The following PLCB4 variants were observed in gnomAD, a reference collection of about 807,000 sequenced individuals.
PLCB4 encodes phospholipase C beta 4.
Under a neutral mutation model 178.8 loss-of-function variants are expected in PLCB4, and 77 were observed. The observed-to-expected ratio is 0.43, with a 90% CI of 0.36 to 0.52. PLCB4 has a LOEUF of 0.52. PLCB4 is among the 20% of genes least tolerant of loss of function. The pLI is 0.00. For synonymous variants in PLCB4, 496 were observed against 490.8 expected (o/e 1.01, Z -0.14); for missense variants, 1,024 against 1,453.4 (o/e 0.70, Z 4.80).
chr20:9,373,941 G>A (rs1210264084), intron 12 of PLCB4, among the ~76,000 whole-genome samples: 2 of 152,130 alleles, frequency 1.3e-5, no homozygotes, highest in East Asian at 1.9e-4. Context: ...AAGAGTTTGA[G>A]TGAAGGATGG....
intron 3 of PLCB4, among the ~76,000 whole-genome samples, chr20:9,273,058 G>A (rs988001115): frequency 1.3e-5 from 2 of 152,052 alleles, no homozygotes; most frequent in African/African-American, 4.8e-5. Context: ...GGCATTATTG[G>A]TTTTAATCCT....
At chr20:9,362,366 C>T (rs777841921) in intron 7 of PLCB4, among the ~76,000 whole-genome samples, 2 of 152,124 alleles carry the variant, frequency 1.3e-5, no homozygotes, top group South Asian at 2.1e-4. Flanking sequence ...GTGAGCACAT[C>T]GCTGTTTGCT....
chr20:9,434,665 T>C (rs2041651771), intron 28 of PLCB4, among the ~76,000 whole-genome samples: 1 of 152,100 alleles, frequency 6.6e-6, no homozygotes, highest in Non-Finnish European at 1.5e-5. Context: ...CGTGAGCTAC[T>C]GCGTCCGGCC....
At chr20:9,361,478 G>A (rs966875097) in intron 7 of PLCB4, among the ~76,000 whole-genome samples, 6 of 152,134 alleles carry the variant, frequency 3.9e-5, no homozygotes, top group African/African-American at 1.2e-4. Context: ...ATCAATGGCT[G>A]GGAGGAGGGG....
chr20:9,452,831 A>G (rs899173315), intron 32 of PLCB4, among the ~76,000 whole-genome samples: 1 of 152,320 alleles, frequency 6.6e-6, no homozygotes, highest in South Asian at 2.1e-4. Context: ...AAACACAGTG[A>G]TGCCTCTCAT....
chr20:9,110,604 A>G (rs774240825), intron 2 of PLCB4, among the ~76,000 whole-genome samples: 2 of 152,150 alleles, frequency 1.3e-5, no homozygotes, highest in Non-Finnish European at 1.5e-5. Context: ...TTCATAGGAC[A>G]CCAGAAATCT....
At chr20:9,339,066 T>G in intron 7 of PLCB4, 29 bp downstream of exon 7, 8 of 1,571,596 alleles carry the variant, frequency 5.1e-6, no homozygotes, top group South Asian at 1.1e-5. Flanking sequence ...CCTCCTTCTC[T>G]TCCCCACCAT....
At chr20:9,391,863 A>G (rs1434389379) in intron 17 of PLCB4, among the ~76,000 whole-genome samples, 1 of 152,114 alleles carries the variant, frequency 6.6e-6, no homozygotes, top group Non-Finnish European at 1.5e-5. Context: ...TCTGCCTTCC[A>G]GGGTTTCCCA....
At chr20:9,440,469 T>C (rs906986893) in intron 30 of PLCB4, among the ~76,000 whole-genome samples, 1 of 152,172 alleles carries the variant, frequency 6.6e-6, no homozygotes, top group Non-Finnish European at 1.5e-5. Flanking sequence ...CAACATATGC[T>C]CTCTACTGAA....
chr20:9,237,395 T>G (rs1312099350), intron 3 of PLCB4, among the ~76,000 whole-genome samples: 1 of 152,106 alleles, frequency 6.6e-6, no homozygotes, highest in African/African-American at 2.4e-5. Context: ...AAGATTAGAT[T>G]AAAGCAGCAA....
At chr20:9,090,241 G>GTGTGTGTGTGTGTA (rs1415985556) in intron 1 of PLCB4, among the ~76,000 whole-genome samples, 1 of 151,768 alleles carries the variant, frequency 6.6e-6, no homozygotes, top group South Asian at 2.1e-4. Context: ...GTGTGTGTGT[G>GTGTGTGTGTGTGTA]TGTGTGTCTG....
chr20:9,232,590 G>C (rs1252839969), intron 3 of PLCB4, among the ~76,000 whole-genome samples: 1 of 152,100 alleles, frequency 6.6e-6, no homozygotes, highest in Non-Finnish European at 1.5e-5. Context: ...CAGAAGTATG[G>C]AAACTTCACT....
chr20:9,307,382 C>T (rs982718768), intron 3 of PLCB4, among the ~76,000 whole-genome samples: 1 of 152,116 alleles, frequency 6.6e-6, no homozygotes, highest in African/African-American at 2.4e-5. Flanking sequence ...CCCATATGTT[C>T]ACCTTCAAGC....
intron 3 of PLCB4, among the ~76,000 whole-genome samples, chr20:9,302,469 T>A (rs574031850): frequency 1.3e-5 from 2 of 152,214 alleles, no homozygotes; most frequent in Admixed American, 1.3e-4. Context: ...TGCCAGGCCC[T>A]AGGAAGTTTT....
At position 9,338,299 on chromosome 20, in the gene PLCB4, A is replaced by G. The variant is rs77701959; in HGVS notation, c.225+232A>G. 0.053 allele frequency among the ~76,000 whole-genome samples: 8,039 copies of G among 152,180 alleles called. 484 individuals carry two copies. Among genetic ancestry groups the G allele is most frequent in the East Asian group, 0.18 (935 of 5,162 alleles). On this transcript the variant is annotated intron_variant, in intron 6 of 39. Coordinates refer to ENST00000378473, the MANE Select transcript of PLCB4 (RefSeq NM_001377142.1). ...AGGCTTTGTGGACAAGCAGACCCTA[A>G]TAAAAGGCTCTTCTATCCAATTGCC...
At chr20:9,434,272 A>T (rs940109491) in intron 28 of PLCB4, among the ~76,000 whole-genome samples, 7 of 152,270 alleles carry the variant, frequency 4.6e-5, no homozygotes, top group African/African-American at 1.7e-4. Flanking sequence ...ATGGATAATA[A>T]TAGTTACCTT....
intron 35 of PLCB4, 144 bp from the exon 36 acceptor site, chr20:9,468,427 A>T: frequency 1.6e-6 from 1 of 630,548 alleles, no homozygotes; most frequent in Non-Finnish European, 2.9e-6. Flanking sequence ...AGTGCATGAC[A>T]TTAAGTACAT....
chr20:9,194,062 G>A (rs1305446562), intron 2 of PLCB4, among the ~76,000 whole-genome samples: 2 of 152,128 alleles, frequency 1.3e-5, no homozygotes, highest in East Asian at 3.9e-4. Context: ...TGTGAACTTG[G>A]TGTTTCGTGT....
At chr20:9,182,264 T>C (rs1302182412) in intron 2 of PLCB4, among the ~76,000 whole-genome samples, 1 of 152,100 alleles carries the variant, frequency 6.6e-6, no homozygotes, top group Admixed American at 6.6e-5. Context: ...CCATGTAAAG[T>C]GAGTAAAGGG....
Sources: allele counts gnomAD v4.1 joint callset (sites outside exome capture counted in the v4.1 genomes callset), GRCh38; gene constraint gnomAD v4.1.1; transcripts MANE v1.5; gene names NCBI Gene and HGNC (gene_info 2026-07-23, HGNC 2026-07-21).